The following PCSK2 variants were observed in gnomAD, a reference collection of about 807,000 sequenced individuals.
PCSK2 encodes neuroendocrine convertase 2.
Under a neutral mutation model 69.7 loss-of-function variants are expected in PCSK2, and 14 were observed. That is an observed-to-expected ratio of 0.20 (90% confidence interval 0.13 to 0.31). The LOEUF (loss-of-function observed/expected upper bound fraction) is 0.31. Among genes scored for constraint, PCSK2 ranks in the 10% least tolerant of loss-of-function variants. The pLI, the probability that PCSK2 is intolerant of heterozygous loss-of-function variation, is 1.00. For missense variants in PCSK2, 544 were observed against 842.5 expected (o/e 0.65, Z 4.39); for synonymous variants, 307 against 320.7 (o/e 0.96, Z 0.46).
intron 2 of PCSK2, among the ~76,000 whole-genome samples, chr20:17,319,525 G>C (rs1989799795): frequency 6.6e-6 from 1 of 152,206 alleles, no homozygotes. Flanking sequence ...GTGGTCAACA[G>C]TGTTCCAAGA....
At chr20:17,260,667 A>G (rs1178564411) in intron 2 of PCSK2, among the ~76,000 whole-genome samples, 1 of 152,112 alleles carries the variant, frequency 6.6e-6, no homozygotes, top group Non-Finnish European at 1.5e-5. Context: ...GGATGGGAAG[A>G]CAACAAGCAG....
intron 4 of PCSK2, 99 bp from the exon 5 acceptor site, chr20:17,369,141 A>G: frequency 2.0e-6 from 2 of 995,218 alleles, no homozygotes; most frequent in Non-Finnish European, 3.2e-6. Flanking sequence ...GCCTTCTGGC[A>G]CCAGCCCCAT....
At chr20:17,369,675 C>T (rs1424622475) in intron 5 of PCSK2, among the ~76,000 whole-genome samples, 6 of 152,160 alleles carry the variant, frequency 3.9e-5, no homozygotes, top group Non-Finnish European at 5.9e-5. Context: ...AGAAACCTGA[C>T]ATCTGAAAGA....
intron 5 of PCSK2, among the ~76,000 whole-genome samples, chr20:17,397,549 G>A (rs953678741): frequency 2.1e-4 from 31 of 151,204 alleles, no homozygotes; most frequent in African/African-American, 7.3e-4. Flanking sequence ...GCATGATCTC[G>A]GCTCACTGCA....
intron 1 of PCSK2, among the ~76,000 whole-genome samples, chr20:17,253,382 C>A (rs769335573): frequency 6.6e-6 from 1 of 152,134 alleles, no homozygotes; most frequent in Non-Finnish European, 1.5e-5. Flanking sequence ...CCCCTCTCAG[C>A]CCCAGGCAAC....
At chr20:17,227,620 C>T (rs1392904461) in intron 1 of PCSK2, 138 bp downstream of exon 1, 3 of 638,812 alleles carry the variant, frequency 4.7e-6, no homozygotes, top group Non-Finnish European at 5.5e-6. Flanking sequence ...CTCTTTAACA[C>T]GATATTGCCT....
intron 2 of PCSK2, among the ~76,000 whole-genome samples, chr20:17,304,788 C>T (rs955229036): frequency 1.3e-5 from 2 of 152,114 alleles, no homozygotes; most frequent in Non-Finnish European, 2.9e-5. Flanking sequence ...TAATAGATAG[C>T]AAAAGTTTTT....
intron 2 of PCSK2, among the ~76,000 whole-genome samples, chr20:17,317,915 G>T (rs1330834836): frequency 6.6e-6 from 1 of 152,178 alleles, no homozygotes; most frequent in Non-Finnish European, 1.5e-5. Flanking sequence ...TAACCAAATA[G>T]CTTGAGGGTT....
In PCSK2 at chr20:17,280,934, C is replaced by T. The variant is rs1328588843; in HGVS notation, c.282+20590C>T. Among the ~76,000 whole-genome samples, 3 of 152,200 alleles carry T rather than the reference C, an allele frequency of 2.0e-5. No homozygotes were observed. In the East Asian group the frequency reaches 5.8e-4, roughly 29 times the overall value. ...ACCTCAGTGGATTGTTCCTTTCTAT[C>T]CACTGCATTTTCACTTGTCTGGAAG... On this transcript the variant is annotated intron_variant, in intron 2 of 11. Transcript: ENST00000262545.
At chr20:17,338,172 G>GGT (rs1555789316) in intron 2 of PCSK2, among the ~76,000 whole-genome samples, 1 of 44,790 alleles carries the variant, frequency 2.2e-5, no homozygotes, top group Non-Finnish European at 6.6e-5. Context: ...CATTTTTTTT[G>GGT]GGGGGGGGGG....
chr20:17,365,185 A>C (rs938044142), intron 4 of PCSK2, among the ~76,000 whole-genome samples: 2 of 152,124 alleles, frequency 1.3e-5, no homozygotes, highest in Non-Finnish European at 2.9e-5. Flanking sequence ...CTCTGCTTCC[A>C]AGATGGCCCC....
At chr20:17,297,974 T>G (rs935026423) in intron 2 of PCSK2, among the ~76,000 whole-genome samples, 1 of 152,250 alleles carries the variant, frequency 6.6e-6, no homozygotes, top group African/African-American at 2.4e-5. Flanking sequence ...ATACATTTGC[T>G]CTTATAACTT....
At chr20:17,372,502 T>C (rs35921025) in intron 5 of PCSK2, among the ~76,000 whole-genome samples, 22,005 of 152,116 alleles carry the variant, frequency 0.14, 1,862 homozygotes, top group Middle Eastern at 0.29. Context: ...GGAAGTTTGA[T>C]GGCCACTGGT....
intron 1 of PCSK2, among the ~76,000 whole-genome samples, chr20:17,239,639 T>C (rs955708460): frequency 6.6e-6 from 1 of 152,074 alleles, no homozygotes; most frequent in African/African-American, 2.4e-5. Flanking sequence ...TAGCAAGAGC[T>C]ACAGTCATAC....
At chr20:17,310,547 G>C (rs1190066237) in intron 2 of PCSK2, among the ~76,000 whole-genome samples, 1 of 151,930 alleles carries the variant, frequency 6.6e-6, no homozygotes, top group African/African-American at 2.4e-5. Context: ...TGCATGTGCA[G>C]TTATTCAAGC....
intron 1 of PCSK2, among the ~76,000 whole-genome samples, chr20:17,243,326 A>G (rs1405144055): frequency 6.6e-6 from 1 of 152,026 alleles, no homozygotes; most frequent in Non-Finnish European, 1.5e-5. Flanking sequence ...TCAGCCTCCC[A>G]AGTAGCTAAG....
In PCSK2 at chr20:17,402,401, C is replaced by T. The variant is rs186402870; in HGVS notation, c.544-6862C>T. ...TAAATACTGGCCAGGCACAGAGGCT[C>T]ATGCCTGTAATCCCAGCACTTTGGG... is the stretch of plus-strand genomic sequence containing the variant. On this transcript the variant is annotated intron_variant, in intron 5 of 11. Transcript: ENST00000262545. Among the ~76,000 whole-genome samples the T allele has an allele frequency of 2.1e-4, 32 of 152,328 alleles. No individual in the cohort carries two copies. In the East Asian group the frequency reaches 5.8e-3, roughly 28 times the overall value.
chr20:17,277,925 T>G (rs1988153215), intron 2 of PCSK2, among the ~76,000 whole-genome samples: 1 of 152,000 alleles, frequency 6.6e-6, no homozygotes, highest in Admixed American at 6.6e-5. Flanking sequence ...GAACAGACAC[T>G]TCTCAAAAGA....
In PCSK2 at chr20:17,484,229, TTATAAAATTAGAAAGCAACTTATCAGC is replaced by T. The variant is rs2033458145; in HGVS notation, c.*2162_*2188del. 1 of 152,382 alleles carries T rather than the reference TTATAAAATTAGAAAGCAACTTATCAGC, an allele frequency of 6.6e-6. No homozygotes were observed. The highest frequency in any genetic ancestry group is 2.4e-5 in the African/African-American group (1 of 41,436). 9.4% of individuals were successfully genotyped at this position (152,382 alleles called of 1,614,324 possible). A position where few individuals can be genotyped will look rare whatever the true frequency, so the allele number is the denominator to read the frequency against. The stretch of plus-strand genomic sequence containing the variant: ...CATATTTTCACAGGTGTGGTGTAAT[TTATAAAATTAGAAAGCAACTTATCAGC>T]TACTTAAGAGAAATGGCAAGTTTTG... On this transcript the variant is annotated 3_prime_UTR_variant, in exon 12 of 12. Coordinates refer to ENST00000262545, the MANE Select transcript of PCSK2 (RefSeq NM_002594.5).
Sources: allele counts gnomAD v4.1 joint callset (sites outside exome capture counted in the v4.1 genomes callset), GRCh38; gene constraint gnomAD v4.1.1; transcripts MANE v1.5; gene names NCBI Gene and HGNC (gene_info 2026-07-23, HGNC 2026-07-21).